Variants in MYH7B observed in about 807,000 individuals in gnomAD.
MYH7B encodes myosin heavy chain 7B, also known as myosin-7B.
In MYH7B, 205 loss-of-function variants were observed where a neutral mutation model predicts 234.5. The ratio of observed to expected loss-of-function variants is 0.87; its 90% CI spans 0.78 to 0.98. MYH7B has a LOEUF of 0.98. Among genes scored for constraint, MYH7B ranks in the 50% least tolerant of loss-of-function variants. The probability of loss-of-function intolerance (pLI) is 0.00; values close to 1 mark genes in which losing one functional copy is unlikely to be tolerated. For missense variants in MYH7B, 2,652 were observed against 2,633.4 expected, an observed-to-expected ratio of 1.01 and a Z score of -0.15; for synonymous variants, 1,193 against 1,105.0, an observed-to-expected ratio of 1.08 and a Z score of -1.58.
At chr20:34,971,145 C>T (rs984073384) in intron 2 of MYH7B, among the ~76,000 whole-genome samples, 5 of 152,168 alleles carry the variant, frequency 3.3e-5, no homozygotes, top group African/African-American at 1.2e-4. Context: ...GTTGTGCTGT[C>T]AGGCCTGGTC....
At chr20:34,990,793 G>A (rs372796334) in exon 23 of MYH7B, 10 of 1,613,994 alleles carry the variant, frequency 6.2e-6, no homozygotes, top group Admixed American at 3.3e-5. Context: ...CACTTCGTCC[G>A]CTGCATTGTC....
intron 2 of MYH7B, among the ~76,000 whole-genome samples, chr20:34,959,675 C>T (rs2081674225): frequency 6.6e-6 from 1 of 152,080 alleles, no homozygotes; most frequent in South Asian, 2.1e-4. Context: ...GACAGGGTTT[C>T]ACCTTGCTGT....
chr20:34,978,800 T>C (rs1173517283), intron 5 of MYH7B, among the ~76,000 whole-genome samples: 1 of 152,148 alleles, frequency 6.6e-6, no homozygotes, highest in Non-Finnish European at 1.5e-5. Flanking sequence ...ATGTAGATGG[T>C]CCTAGATGGT....
Position 35,001,344 on chromosome 20 carries a change from T to TA in MYH7B, c.5576dup (p.Tyr1859Ter), listed in dbSNP as rs1157597379. 1.2e-6 allele frequency: 2 copies of TA among 1,608,168 alleles called. No homozygotes were observed. Among genetic ancestry groups the TA allele is most frequent in the South Asian group, 2.2e-5 (2 of 90,148 alleles). Residue 1859 changes from tyrosine to a stop codon, truncating the protein, a stop_gained and frameshift_variant, in exon 42 of 45, where the codon TAC (tyrosine) becomes TAAC (stop). Transcript: ENST00000262873. LOFTEE classifies it high-confidence loss of function. ...TGAGCGCCGTGTCAAGGAGCTCGCA[T>TA]ACCAGGTGGGCGACAGGGTCTCCCT... is the stretch of plus-strand genomic sequence containing the variant.
At chr20:34,997,753 A>T in intron 32 of MYH7B, 113 bp downstream of exon 32, 1 of 1,270,626 alleles carries the variant, frequency 7.9e-7, no homozygotes, top group Non-Finnish European at 1.1e-6. Context: ...CTGAGCCCTG[A>T]CCTCTTCACC....
At chr20:34,997,290 C>T (rs1371341309) in exon 32 of MYH7B, 32 of 1,555,158 alleles carry the variant, frequency 2.1e-5, no homozygotes, top group South Asian at 8.3e-5. Flanking sequence ...GGAGGCAGAG[C>T]GGGCAGCCCG....
intron 37 of MYH7B, 30 bp from the exon 38 acceptor site, chr20:34,999,761 C>CCCCA: frequency 3.0e-6 from 3 of 1,014,648 alleles, no homozygotes; most frequent in Non-Finnish European, 4.0e-6. Flanking sequence ...CCCCCCCCCC[C>CCCCA]ACCCTACCCT....
intron 2 of MYH7B, among the ~76,000 whole-genome samples, chr20:34,963,812 AT>A (rs1229510054): frequency 6.6e-6 from 1 of 152,140 alleles, no homozygotes; most frequent in Non-Finnish European, 1.5e-5. Flanking sequence ...TTTCTAAGCA[AT>A]ATATGACACT....
chr20:34,961,009 T>G (rs148368290), intron 2 of MYH7B, among the ~76,000 whole-genome samples: 1 of 152,280 alleles, frequency 6.6e-6, no homozygotes, highest in Non-Finnish European at 1.5e-5. Flanking sequence ...GTCTGTGCCC[T>G]GGTCGTGTTT....
At chr20:34,980,289 C>G (rs2081922589) in intron 7 of MYH7B, 2 of 377,980 alleles carry the variant, frequency 5.3e-6, no homozygotes, top group Admixed American at 7.8e-5. Context: ...TGGCCCATGC[C>G]TGTAATCCCA....
chr20:34,966,630 C>T (rs1348588068), intron 2 of MYH7B, among the ~76,000 whole-genome samples: 1 of 151,760 alleles, frequency 6.6e-6, no homozygotes, highest in Non-Finnish European at 1.5e-5. Flanking sequence ...CACACACGCT[C>T]ACAACTAGTA....
exon 6 of MYH7B, chr20:34,979,465 G>T: frequency 6.2e-7 from 1 of 1,613,830 alleles, no homozygotes; most frequent in Non-Finnish European, 8.5e-7. Flanking sequence ...GCTACCGGGG[G>T]CAGAGTCACC....
exon 26 of MYH7B, chr20:34,993,346 G>T (rs1444792391): frequency 1.2e-6 from 2 of 1,614,108 alleles, no homozygotes; most frequent in South Asian, 2.2e-5. Context: ...GTTCTTCAAG[G>T]CTGGGCTTCT....
chr20:34,959,506 C>G (rs1366261240), intron 2 of MYH7B, among the ~76,000 whole-genome samples: 1 of 148,362 alleles, frequency 6.7e-6, no homozygotes, highest in Non-Finnish European at 1.5e-5. Flanking sequence ...GAGATGGAGT[C>G]TCTCTCTGTC....
chr20:34,983,556 G>A (rs1258660238), intron 10 of MYH7B, among the ~76,000 whole-genome samples: 1 of 152,120 alleles, frequency 6.6e-6, no homozygotes, highest in South Asian at 2.1e-4. Context: ...GGGCAGAGGA[G>A]CACCTGGGCA....
intron 5 of MYH7B, 42 bp from the exon 6 acceptor site, chr20:34,979,348 C>G: frequency 6.7e-7 from 1 of 1,502,598 alleles, no homozygotes; most frequent in African/African-American, 1.4e-5. Context: ...CCTGGAGGTG[C>G]CTCAGCCCCT....
intron 2 of MYH7B, among the ~76,000 whole-genome samples, chr20:34,960,669 G>A (rs1569024538): frequency 2.0e-5 from 3 of 152,180 alleles, no homozygotes; most frequent in Non-Finnish European, 4.4e-5. Flanking sequence ...TGTTTATGAG[G>A]CCATCTCCCC....
At chr20:34,987,520 G>A (rs2082050829) in intron 16 of MYH7B, 37 bp from the exon 17 acceptor site, 1 of 1,528,526 alleles carries the variant, frequency 6.5e-7, no homozygotes, top group Admixed American at 1.8e-5. Flanking sequence ...TGCGCATGGT[G>A]GTGTCCTCCT....
chr20:34,997,932 C>T (rs1408492599), intron 32 of MYH7B, among the ~76,000 whole-genome samples: 1 of 152,184 alleles, frequency 6.6e-6, no homozygotes, highest in Non-Finnish European at 1.5e-5. Context: ...TGAACTCTGA[C>T]TTAATACCTG....
Sources: allele counts gnomAD v4.1 joint callset (sites outside exome capture counted in the v4.1 genomes callset), GRCh38; gene constraint gnomAD v4.1.1; transcripts MANE v1.5; gene names NCBI Gene and HGNC (gene_info 2026-07-23, HGNC 2026-07-21).